COA1: variants seen among roughly 807,000 people sequenced by gnomAD.
COA1 encodes the protein cytochrome c oxidase assembly factor 1.
Under a neutral mutation model 16.0 loss-of-function variants are expected in COA1, and 13 were observed. That is an observed-to-expected ratio of 0.81 (90% CI 0.53 to 1.29). COA1 has a LOEUF of 1.29. Among genes scored for constraint, COA1 ranks in the 50% most tolerant of loss-of-function variants. COA1 has a pLI of 0.00. For synonymous variants in COA1, 65 were observed against 65.7 expected, an observed-to-expected ratio of 0.99 and a Z score of 0.05; for missense variants, 179 against 177.0, an observed-to-expected ratio of 1.01 and a Z score of -0.06.
downstream of COA1, among the ~76,000 whole-genome samples, chr7:43,636,528 G>T (rs762315815): frequency 1.4e-4 from 22 of 152,192 alleles, no homozygotes; most frequent in Admixed American, 2.6e-4. Flanking sequence ...TGCTTGCTTT[G>T]GGAAAACCCT....
At chr7:43,684,253 T>C (rs1014613350) in intron 1 of COA1, among the ~76,000 whole-genome samples, 1 of 152,164 alleles carries the variant, frequency 6.6e-6, no homozygotes. Context: ...ACAACAGGGT[T>C]CGCACTCCTA....
At chr7:43,702,428 C>T (rs1290004535) in intron 1 of COA1, among the ~76,000 whole-genome samples, 1 of 152,040 alleles carries the variant, frequency 6.6e-6, no homozygotes, top group African/African-American at 2.4e-5. Context: ...TATTTCCAGG[C>T]TCTCTATTCT....
chr7:43,613,838 G>A (rs910324431), intron 6 of COA1, among the ~76,000 whole-genome samples: 1 of 152,084 alleles, frequency 6.6e-6, no homozygotes, highest in African/African-American at 2.4e-5. Flanking sequence ...GTGAGATCCT[G>A]TCTCAAAAAC....
chr7:43,633,796 T>C (rs1374972115), intron 6 of COA1, among the ~76,000 whole-genome samples: 1 of 149,284 alleles, frequency 6.7e-6, no homozygotes, highest in Non-Finnish European at 1.5e-5. Context: ...ATTTGTAAAC[T>C]CTCAGCCATT....
At chr7:43,729,298 C>G (rs2095691875) in intron 1 of COA1, 131 bp downstream of exon 1, 1 of 152,292 alleles carries the variant, frequency 6.6e-6, no homozygotes, top group South Asian at 2.1e-4. Flanking sequence ...CGCGAACCTC[C>G]GCGATGTGAC....
At chr7:43,624,608 A>G in intron 6 of COA1, 4 of 1,614,138 alleles carry the variant, frequency 2.5e-6, no homozygotes, top group Non-Finnish European at 3.4e-6. Context: ...AAAAGGCACT[A>G]GAAGAAGCAA....
intron 1 of COA1, among the ~76,000 whole-genome samples, chr7:43,693,475 AC>A (rs985051781): frequency 1.3e-5 from 2 of 152,060 alleles, no homozygotes; most frequent in African/African-American, 4.8e-5. Flanking sequence ...CCACAATCAT[AC>A]CCCAGAACTT....
At chr7:43,678,534 A>G (rs1311716881) in intron 1 of COA1, among the ~76,000 whole-genome samples, 1 of 152,228 alleles carries the variant, frequency 6.6e-6, no homozygotes. Context: ...GGCAACCCAC[A>G]GTACTGGAAA....
chr7:43,693,945 C>T (rs954828370), intron 1 of COA1, among the ~76,000 whole-genome samples: 1 of 151,964 alleles, frequency 6.6e-6, no homozygotes, highest in Admixed American at 6.6e-5. Context: ...GACTAGGTCA[C>T]AACTTTTCCT....
At chr7:43,649,787 T>C (rs1323450254) in intron 1 of COA1, 2 of 152,260 alleles carry the variant, frequency 1.3e-5, no homozygotes, top group African/African-American at 4.8e-5. Flanking sequence ...ATAAAGTATC[T>C]TGAAGAAGGG....
chr7:43,626,798 G>C (rs1252798991), intron 6 of COA1: 1 of 152,122 alleles, frequency 6.6e-6, no homozygotes, highest in Non-Finnish European at 1.5e-5. Context: ...TGCTGTATTT[G>C]TGAGAAAGAT....
intron 1 of COA1, among the ~76,000 whole-genome samples, chr7:43,698,052 T>C (rs2094584732): frequency 6.6e-6 from 1 of 152,232 alleles, no homozygotes; most frequent in Non-Finnish European, 1.5e-5. Context: ...AAAGCGCCTA[T>C]GTTAGCTCAA....
chr7:43,619,648 G>C (rs2083674550), intron 6 of COA1: 1 of 1,614,000 alleles, frequency 6.2e-7, no homozygotes, highest in African/African-American at 1.3e-5. Flanking sequence ...CATTAAGATT[G>C]TTGATTTTGG....
At chr7:43,611,704 C>A (rs568090898) in intron 6 of COA1, among the ~76,000 whole-genome samples, 1 of 152,098 alleles carries the variant, frequency 6.6e-6, no homozygotes, top group Non-Finnish European at 1.5e-5. Context: ...AGAGGAATTC[C>A]CAAAATAAAT....
chr7:43,614,417 C>T (rs1342408976), intron 6 of COA1, among the ~76,000 whole-genome samples: 2 of 152,060 alleles, frequency 1.3e-5, no homozygotes, highest in African/African-American at 4.8e-5. Flanking sequence ...AACTGGATTC[C>T]CTAGAAAGGA....
intron 6 of COA1, among the ~76,000 whole-genome samples, chr7:43,629,834 G>A (rs1420384037): frequency 6.6e-6 from 1 of 152,234 alleles, no homozygotes; most frequent in African/African-American, 2.4e-5. Context: ...CAGATTTCCT[G>A]ACTGCTCGTC....
chr7:43,633,942 T>C (rs1031639817), intron 6 of COA1, among the ~76,000 whole-genome samples: 3 of 152,214 alleles, frequency 2.0e-5, no homozygotes, highest in African/African-American at 7.2e-5. Context: ...TTTTATTTCA[T>C]CTTTAAATTC....
intron 1 of COA1, among the ~76,000 whole-genome samples, chr7:43,719,472 A>G (rs144729732): frequency 3.9e-4 from 60 of 152,366 alleles, no homozygotes; most frequent in African/African-American, 1.4e-3. Flanking sequence ...ATGAAATGCT[A>G]GAAGAATGAA....
At chr7:43,619,636 G>T in intron 6 of COA1, 1 of 1,614,088 alleles carries the variant, frequency 6.2e-7, no homozygotes, top group Non-Finnish European at 8.5e-7. Flanking sequence ...TCCATTGGGT[G>T]ACATTAAGAT....
Sources: gnomAD v4.1 joint callset for allele counts (sites outside exome capture counted in the v4.1 genomes callset) on GRCh38, gnomAD v4.1.1 for gene constraint, MANE v1.5 for transcripts, NCBI Gene and HGNC (gene_info 2026-07-23, HGNC 2026-07-21) for gene names.